BCL7B: variants seen among roughly 807,000 people sequenced by gnomAD.
BCL7B encodes the protein B-cell CLL/lymphoma 7 protein family member B.
In BCL7B, 11 loss-of-function variants were observed where a neutral mutation model predicts 26.5. That is an observed-to-expected ratio of 0.42 (90% CI 0.26 to 0.69). The LOEUF is 0.69. Ranked by LOEUF, BCL7B falls within the 30% of genes least tolerant of loss-of-function variation. The pLI is 0.28. For synonymous variants in BCL7B, 111 were observed against 107.9 expected, an observed-to-expected ratio of 1.03 and a Z score of -0.18; for missense variants, 215 against 264.4, an observed-to-expected ratio of 0.81 and a Z score of 1.30.
rs1229863149 is a variant in BCL7B at position 73,536,531 on chromosome 7, G to A, written c.*767C>T. The A allele has an allele frequency of 6.6e-6, 1 of 152,448 alleles. No individual in the cohort carries two copies. Among genetic ancestry groups the A allele is most frequent in the Non-Finnish European group, 1.5e-5 (1 of 68,042 alleles). 9.4% of individuals were successfully genotyped at this position (152,448 alleles called of 1,614,324 possible). A position where few individuals can be genotyped will look rare whatever the true frequency, so the allele number is the denominator to read the frequency against. The stretch of plus-strand genomic sequence containing the variant: ...GGAGCTTTCTAGAAACTGAGCTGAA[G>A]GGGTACTGTGGGGGATGGGTACTGT... On this transcript the variant is annotated 3_prime_UTR_variant, in exon 6 of 6. Coordinates refer to ENST00000223368, the MANE Select transcript of BCL7B (RefSeq NM_001707.4).
chr7:73,539,609 T>C lies in BCL7B; in HGVS notation c.436+273A>G, dbSNP rs955348355. 3.3e-5 allele frequency: 13 copies of C among 397,518 alleles called. 1 individual carries two copies. In the South Asian group the frequency reaches 6.0e-4, roughly 18 times the overall value. 24.6% of individuals were successfully genotyped at this position (397,518 alleles called of 1,614,324 possible). A position where few individuals can be genotyped will look rare whatever the true frequency, so the allele number is the denominator to read the frequency against. ...TTTCCTCATCTGTAAAAGAAGACAA[T>C]AGCTGCCACCTCACAGGATTTTTGA... On this transcript the variant is annotated intron_variant, in intron 4 of 5. Transcript: ENST00000223368.
chr7:73,545,094 G>A (rs1053022892), intron 2 of BCL7B, among the ~76,000 whole-genome samples: 2 of 151,472 alleles, frequency 1.3e-5, no homozygotes, highest in African/African-American at 4.8e-5. Flanking sequence ...ATATGAAAAT[G>A]AGAGCATCCC....
intron 1 of BCL7B, among the ~76,000 whole-genome samples, chr7:73,554,223 G>T (rs570588806): frequency 6.6e-6 from 1 of 151,596 alleles, no homozygotes; most frequent in African/African-American, 2.4e-5. Context: ...TCAGCCTCTC[G>T]AAGTGCTGGG....
intron 2 of BCL7B, among the ~76,000 whole-genome samples, chr7:73,549,387 A>C (rs1554583824): frequency 6.6e-6 from 1 of 152,206 alleles, no homozygotes; most frequent in Non-Finnish European, 1.5e-5. Flanking sequence ...CATAACACTC[A>C]AAATGTTAGA....
chr7:73,557,478 G>GC lies in BCL7B; in HGVS notation c.92+8dup, dbSNP rs782791956. 7.1e-7 allele frequency: 1 copy of GC among 1,407,694 alleles called. No individual in the cohort carries two copies. The highest frequency in any genetic ancestry group is 1.5e-5 in the African/African-American group (1 of 66,750). The allele number at this position is 1,407,694 out of a possible 1,614,324, so 87.2% of individuals were successfully genotyped here. On this transcript the variant is annotated intron_variant, in intron 1 of 5. Coordinates refer to ENST00000223368, the MANE Select transcript of BCL7B (RefSeq NM_001707.4). The stretch of plus-strand genomic sequence containing the variant: ...ACCCCCGCCAGCCCCCTAAGCTCCG[G>GC]CCCCTCACCATTTCCGCACTTTCTC...
At chr7:73,542,523 C>G (rs1303905069) in intron 3 of BCL7B, among the ~76,000 whole-genome samples, 2 of 152,180 alleles carry the variant, frequency 1.3e-5, no homozygotes, top group Non-Finnish European at 2.9e-5. Context: ...TGAGCTTAGA[C>G]AAAACACTGT....
At chr7:73,557,439 G>A (rs1404459547) in intron 1 of BCL7B, 48 bp downstream of exon 1, 11 of 1,284,140 alleles carry the variant, frequency 8.6e-6, no homozygotes, top group Non-Finnish European at 1.0e-5. Context: ...CGCTCCTCAG[G>A]GCCTGGATCC....
At chr7:73,550,815 G>A (rs1395484762) in intron 2 of BCL7B, among the ~76,000 whole-genome samples, 7 of 151,340 alleles carry the variant, frequency 4.6e-5, no homozygotes, top group Non-Finnish European at 1.0e-4. Context: ...CCACCACCAT[G>A]CCCGGCTAAT....
chr7:73,540,803 C>G (rs989148417), intron 3 of BCL7B, among the ~76,000 whole-genome samples: 1 of 116,716 alleles, frequency 8.6e-6, no homozygotes, highest in African/African-American at 3.3e-5. Flanking sequence ...GCACTCCAGC[C>G]TGAGCAACAG....
Position 73,557,619 on chromosome 7 carries a change from A to C in BCL7B, c.-41T>G. The C allele has an allele frequency of 1.7e-6, 2 of 1,145,796 alleles. No homozygotes were observed. Among genetic ancestry groups the C allele is most frequent in the Non-Finnish European group, 2.2e-6 (2 of 916,222 alleles). The allele number at this position is 1,145,796 out of a possible 1,614,324, so 71.0% of individuals were successfully genotyped here. The stretch of plus-strand genomic sequence containing the variant: ...GGCGGGGGCCGGGGCACTGCTCCCA[A>C]GACACCGGGGATCGCGCGCCTCACG... On this transcript the variant is annotated 5_prime_UTR_variant, in exon 1 of 6. Coordinates refer to ENST00000223368, the MANE Select transcript of BCL7B (RefSeq NM_001707.4).
intron 4 of BCL7B, among the ~76,000 whole-genome samples, chr7:73,538,864 T>A (rs1791644595): frequency 6.9e-6 from 1 of 145,824 alleles, no homozygotes; most frequent in African/African-American, 2.5e-5. Context: ...TAGCATGTAA[T>A]GCAGACAGCA....
At chr7:73,555,291 G>A (rs1434212346) in intron 1 of BCL7B, among the ~76,000 whole-genome samples, 4 of 151,688 alleles carry the variant, frequency 2.6e-5, no homozygotes, top group Admixed American at 2.0e-4. Context: ...CTTATAATCA[G>A]CTACTCGGGA....
intron 3 of BCL7B, 141 bp from the exon 4 acceptor site, chr7:73,540,193 A>G (rs1042010390): frequency 3.4e-6 from 3 of 870,878 alleles, no homozygotes; most frequent in Admixed American, 2.7e-5. Context: ...CCCGGCCTAC[A>G]CGACATAGAT....
chr7:73,537,994 C>T lies in BCL7B; in HGVS notation c.456G>A (p.Ser152=), dbSNP rs782011865. The change falls in exon 5 of 6, where the codon TCG becomes TCA. Residue 152 remains serine (S), a synonymous_variant. Coordinates refer to ENST00000223368, the MANE Select transcript of BCL7B (RefSeq NM_001707.4). ...EILEEPSLPS[S]EVADEPPTLT... ...GGGTAGGAGGTTCATCAGCAACTTC[C>T]GAGGAGGGCAGGGAGGGCTCTGAAA... is the stretch of plus-strand genomic sequence containing the variant. 13 of 1,604,044 alleles carry T rather than the reference C, an allele frequency of 8.1e-6. No homozygotes were observed. Among genetic ancestry groups the T allele is most frequent in the South Asian group, 4.5e-5 (4 of 89,884 alleles).
chr7:73,555,201 G>T (rs1554584588), intron 1 of BCL7B, among the ~76,000 whole-genome samples: 1 of 152,076 alleles, frequency 6.6e-6, no homozygotes, highest in Non-Finnish European at 1.5e-5. Context: ...GAATTCAGGA[G>T]TTCAAGACCA....
rs1251302618 is a variant in BCL7B at position 73,538,104 on chromosome 7, G to A, written c.437-91C>T. The stretch of plus-strand genomic sequence containing the variant: ...CTTAGAGCTGTGTGGAGGTGGCTTG[G>A]TGAGGAGGGGAGAATACTGGCCTGA... On this transcript the variant is annotated intron_variant, in intron 4 of 5. Coordinates refer to ENST00000223368, the MANE Select transcript of BCL7B (RefSeq NM_001707.4). 12 of 725,670 alleles carry A rather than the reference G, an allele frequency of 1.7e-5. 1 individual carries two copies. In the African/African-American group the frequency reaches 1.8e-4, roughly 11 times the overall value. 45.0% of individuals were successfully genotyped at this position (725,670 alleles called of 1,614,324 possible).
chr7:73,538,339 G>A (rs929519067), intron 4 of BCL7B: 3 of 233,866 alleles, frequency 1.3e-5, no homozygotes, highest in Non-Finnish European at 2.5e-5. Context: ...AGGACGAGAT[G>A]AAGTAATAAA....
At chr7:73,555,538 A>G (rs895264677) in intron 1 of BCL7B, among the ~76,000 whole-genome samples, 13 of 152,262 alleles carry the variant, frequency 8.5e-5, no homozygotes, top group African/African-American at 2.6e-4. Flanking sequence ...GAGCTGAGCT[A>G]GGAGTTAACT....
chr7:73,552,614 ACAAAAAAAAAACAAAAAGTAGCT>A (rs1375877241), intron 1 of BCL7B, among the ~76,000 whole-genome samples: 2 of 151,922 alleles, frequency 1.3e-5, no homozygotes, highest in East Asian at 3.9e-4. Context: ...CTCTGTCGCT[ACAAAAAAAAAACAAAAAGTAGCT>A]GGGCGTGGTG....
Sources: allele counts gnomAD v4.1 joint callset (sites outside exome capture counted in the v4.1 genomes callset), GRCh38; gene constraint gnomAD v4.1.1; transcripts MANE v1.5; gene names NCBI Gene and HGNC (gene_info 2026-07-23, HGNC 2026-07-21).